PRKAR1A: variants seen among roughly 807,000 people sequenced by gnomAD.
PRKAR1A encodes protein kinase cAMP-dependent type I regulatory subunit alpha.
PRKAR1A carries 3 observed loss-of-function variants against 52.0 expected under a neutral mutation model. The ratio of observed to expected loss-of-function variants is 0.06; its 90% CI spans 0.03 to 0.15. The LOEUF (loss-of-function observed/expected upper bound fraction) is 0.15. Ranked by LOEUF, PRKAR1A falls within the 10% of genes least tolerant of loss-of-function variation. The pLI is 1.00. For missense variants in PRKAR1A, 240 were observed against 477.4 expected (o/e 0.50, Z 4.63); for synonymous variants, 188 against 168.4 (o/e 1.12, Z -0.90).
At chr17:68,520,906 C>A (rs2085583469) in intron 2 of PRKAR1A, among the ~76,000 whole-genome samples, 1 of 152,054 alleles carries the variant, frequency 6.6e-6, no homozygotes, top group African/African-American at 2.4e-5. Flanking sequence ...TTTGTGTTTT[C>A]ATTTATACTC....
At chr17:68,492,509 G>A in the PRKAR1A span, among the ~76,000 whole-genome samples, 3 of 152,148 alleles carry the variant, frequency 2.0e-5, no homozygotes, top group East Asian at 1.9e-4. Context: ...GCAGGAGAGC[G>A]AAAGGGAGAA....
intron 11 of PRKAR1A, chr17:68,541,133 C>T (rs1600522601): frequency 1.3e-5 from 11 of 864,876 alleles, no homozygotes; most frequent in South Asian, 3.4e-5. Flanking sequence ...CTGCATATTC[C>T]GTGTGGTGAG....
At chr17:68,504,495 T>C in the PRKAR1A span, among the ~76,000 whole-genome samples, 1 of 152,070 alleles carries the variant, frequency 6.6e-6, no homozygotes, top group Non-Finnish European at 1.5e-5. Context: ...AAATACATAA[T>C]GGAGTACTAT....
downstream of PRKAR1A, among the ~76,000 whole-genome samples, chr17:68,533,863 G>T (rs1217150384): frequency 6.6e-6 from 1 of 152,164 alleles, no homozygotes; most frequent in Non-Finnish European, 1.5e-5. Flanking sequence ...GAATAGCTGG[G>T]ACTACAGATG....
chr17:68,483,038 T>C, the PRKAR1A span, among the ~76,000 whole-genome samples: 2 of 152,192 alleles, frequency 1.3e-5, no homozygotes. Flanking sequence ...ATTGGCTAAC[T>C]TAAAGTCAGA....
chr17:68,478,622 G>A, the PRKAR1A span, among the ~76,000 whole-genome samples: 1 of 151,966 alleles, frequency 6.6e-6, no homozygotes, highest in Non-Finnish European at 1.5e-5. Context: ...GTGTGTGTGT[G>A]TGTGTATCTG....
At chr17:68,448,241 A>G in the PRKAR1A span, 2 of 152,170 alleles carry the variant, frequency 1.3e-5, 1 homozygote. Flanking sequence ...GAGTTGCTTA[A>G]ACCAAAATTT....
chr17:68,440,788 C>T, the PRKAR1A span: 1 of 152,200 alleles, frequency 6.6e-6, no homozygotes, highest in South Asian at 2.1e-4. Flanking sequence ...AAATGATTCT[C>T]ATCTTGGTAT....
chr17:68,524,157 AGTTT>A, intron 5 of PRKAR1A, 80 bp downstream of exon 5: 6 of 1,458,128 alleles, frequency 4.1e-6, no homozygotes, highest in Non-Finnish European at 5.7e-6. Context: ...GTTTTATTGA[AGTTT>A]GTTTTCCTCT....
At chr17:68,451,536 T>C in the PRKAR1A span, among the ~76,000 whole-genome samples, 16 of 152,246 alleles carry the variant, frequency 1.1e-4, no homozygotes, top group Non-Finnish European at 1.5e-5. Flanking sequence ...CTCCAGACCC[T>C]AGGGCTCCAC....
chr17:68,522,705 C>A, intron 2 of PRKAR1A, 51 bp from the exon 3 acceptor site: 2 of 1,592,920 alleles, frequency 1.3e-6, no homozygotes, highest in Non-Finnish European at 1.7e-6. Flanking sequence ...ATGAGAGTGC[C>A]AGCTTTACAT....
the PRKAR1A span, among the ~76,000 whole-genome samples, chr17:68,419,231 T>C: frequency 6.6e-6 from 1 of 152,112 alleles, no homozygotes; most frequent in African/African-American, 2.4e-5. Flanking sequence ...AAAAATCAAA[T>C]TTACTCCTAA....
chr17:68,504,881 G>C, the PRKAR1A span, among the ~76,000 whole-genome samples: 1 of 152,182 alleles, frequency 6.6e-6, no homozygotes, highest in Non-Finnish European at 1.5e-5. Context: ...CAGTTACCCT[G>C]ATGTGATTAT....
chr17:68,483,121 G>GTTT, the PRKAR1A span, among the ~76,000 whole-genome samples: 75 of 148,444 alleles, frequency 5.1e-4, no homozygotes, highest in East Asian at 1.4e-3. Flanking sequence ...TCTAGTTTGA[G>GTTT]TTTTTTTTTT....
At chr17:68,466,570 C>T in the PRKAR1A span, among the ~76,000 whole-genome samples, 1 of 151,720 alleles carries the variant, frequency 6.6e-6, no homozygotes, top group African/African-American at 2.4e-5. Context: ...TGCCACCACA[C>T]CTGGCTCATT....
chr17:68,450,628 G>T, the PRKAR1A span: 2 of 1,434,170 alleles, frequency 1.4e-6, no homozygotes, highest in African/African-American at 1.4e-5. Flanking sequence ...CATTAGAATT[G>T]GAAGCTTGTT....
chr17:68,485,748 C>T, the PRKAR1A span, among the ~76,000 whole-genome samples: 1 of 152,006 alleles, frequency 6.6e-6, no homozygotes, highest in South Asian at 2.1e-4. Context: ...CTTTAAGTTT[C>T]TTTATTTTGA....
At chr17:68,428,755 G>A in the PRKAR1A span, 1 of 1,182,640 alleles carries the variant, frequency 8.5e-7, no homozygotes, top group South Asian at 1.3e-5. Flanking sequence ...ACTGAAGCTT[G>A]TCGTTCTTGG....
the PRKAR1A span, among the ~76,000 whole-genome samples, chr17:68,417,702 C>G: frequency 1.3e-4 from 18 of 142,626 alleles, no homozygotes; most frequent in African/African-American, 4.7e-4. Context: ...TGTGACTTCA[C>G]TTCTCCAAAA....
Sources: allele counts gnomAD v4.1 joint callset (sites outside exome capture counted in the v4.1 genomes callset), GRCh38; gene constraint gnomAD v4.1.1; transcripts MANE v1.5; gene names NCBI Gene and HGNC (gene_info 2026-07-23, HGNC 2026-07-21).